ITPRID1: variants seen among roughly 807,000 people sequenced by gnomAD.
ITPRID1 encodes the protein ITPR interacting domain containing 1.
ITPRID1 carries 96 observed loss-of-function variants against 95.4 expected under a neutral mutation model. The observed-to-expected ratio is 1.01, with a 90% CI of 0.85 to 1.19. The LOEUF (loss-of-function observed/expected upper bound fraction) is 1.19. Among genes scored for constraint, ITPRID1 ranks in the 50% most tolerant of loss-of-function variants. The pLI is 0.00. For synonymous variants in ITPRID1, 510 were observed against 453.6 expected (o/e 1.12, Z -1.58); for missense variants, 1,339 against 1,252.9 (o/e 1.07, Z -1.04).
chr7:31,578,316 G>A lies in ITPRID1; in HGVS notation c.1052G>A (p.Cys351Tyr). The A allele has an allele frequency of 6.2e-7, 1 of 1,613,910 alleles. No individual in the cohort carries two copies. Among genetic ancestry groups the A allele is most frequent in the Non-Finnish European group, 8.5e-7 (1 of 1,179,846 alleles). ...CCGGCCAAGCAGGCTCCTCCTTCCT[G>A]TGTGTCTGAGGGGTCAGTCAAGGGC... ...SMPAKQAPPSCVSEGSVKGRT... is the reference protein window; with the variant it reads ...SMPAKQAPPSYVSEGSVKGRT... Residue 351 changes from cysteine (C) to tyrosine (Y), a missense_variant, in exon 9 of 15, where the codon TGT (cysteine) becomes TAT (tyrosine). Cys to Tyr is a radical substitution (Grantham distance 194). Coordinates refer to ENST00000615280, the MANE Select transcript of ITPRID1 (RefSeq NM_001257967.3).
chr7:31,584,347 C>A (rs1300099556), intron 10 of ITPRID1, among the ~76,000 whole-genome samples: 3 of 152,186 alleles, frequency 2.0e-5, no homozygotes, highest in African/African-American at 7.2e-5. Context: ...TACATAAATT[C>A]TTATCCTGCT....
chr7:31,642,383 C>A lies in ITPRID1; in HGVS notation c.1311+125C>A. 5 of 719,614 alleles carry A rather than the reference C, an allele frequency of 6.9e-6. No individual in the cohort carries two copies. In the South Asian group the frequency reaches 9.6e-5, roughly 14 times the overall value. The allele number at this position is 719,614 out of a possible 1,614,324, so 44.6% of individuals were successfully genotyped here. ...GAAAGAGGGGTGTTTTAAATCAAGC[C>A]ACAATTGGAAAGGTTGAGAAGGCAC... On this transcript the variant is annotated intron_variant, in intron 11 of 14. Transcript: ENST00000615280.
chr7:31,628,397 C>T (rs1210993124), intron 10 of ITPRID1, among the ~76,000 whole-genome samples: 1 of 152,020 alleles, frequency 6.6e-6, no homozygotes, highest in Non-Finnish European at 1.5e-5. Context: ...GCCAGGAATC[C>T]CACATCTGTC....
chr7:31,531,788 A>G (rs966368960), intron 1 of ITPRID1, among the ~76,000 whole-genome samples: 5 of 152,138 alleles, frequency 3.3e-5, no homozygotes, highest in African/African-American at 9.7e-5. Context: ...AGTTTAAAGA[A>G]AACACACACA....
chr7:31,590,303 T>C (rs1785810175), intron 10 of ITPRID1, among the ~76,000 whole-genome samples: 1 of 152,080 alleles, frequency 6.6e-6, no homozygotes, highest in Non-Finnish European at 1.5e-5. Context: ...GGTACATGCA[T>C]AAAAATGACT....
intron 1 of ITPRID1, among the ~76,000 whole-genome samples, chr7:31,531,567 A>G (rs10246900): frequency 0.58 from 88,586 of 151,884 alleles, 26,896 homozygotes; most frequent in Middle Eastern, 0.71. Flanking sequence ...GGTGAGACAC[A>G]ATGAAGCTGC....
At chr7:31,631,290 G>A (rs530865885) in intron 10 of ITPRID1, among the ~76,000 whole-genome samples, 30 of 152,188 alleles carry the variant, frequency 2.0e-4, no homozygotes, top group Non-Finnish European at 3.8e-4. Context: ...ATATGCGTGC[G>A]TGCACACACA....
intron 1 of ITPRID1, among the ~76,000 whole-genome samples, chr7:31,517,172 G>GC (rs990125746): frequency 4.6e-5 from 7 of 152,210 alleles, no homozygotes; most frequent in Non-Finnish European, 7.4e-5. Context: ...CCCTTATGTG[G>GC]CCCCACCCAC....
chr7:31,586,416 C>T (rs1016046556), intron 10 of ITPRID1, among the ~76,000 whole-genome samples: 1 of 151,866 alleles, frequency 6.6e-6, no homozygotes, highest in African/African-American at 2.4e-5. Flanking sequence ...AGTCGCCACA[C>T]TGACTTCCAC....
At chr7:31,632,201 C>A (rs1263890643) in intron 10 of ITPRID1, among the ~76,000 whole-genome samples, 2 of 152,310 alleles carry the variant, frequency 1.3e-5, no homozygotes, top group Admixed American at 1.3e-4. Context: ...GTAATCCCAG[C>A]ACTTTGGGTG....
intron 5 of ITPRID1, among the ~76,000 whole-genome samples, chr7:31,559,826 GAGACTGA>G (rs777985406): frequency 6.6e-6 from 1 of 152,144 alleles, no homozygotes; most frequent in Admixed American, 6.5e-5. Context: ...ACTTAGGCTG[GAGACTGA>G]AGACTGAAGA....
intron 1 of ITPRID1, among the ~76,000 whole-genome samples, chr7:31,548,947 T>G (rs751024652): frequency 2.0e-5 from 3 of 152,084 alleles, no homozygotes; most frequent in African/African-American, 7.2e-5. Context: ...AGTCACCATA[T>G]GAAGTAGGGA....
At chr7:31,560,881 T>C (rs1173412087) in intron 5 of ITPRID1, among the ~76,000 whole-genome samples, 9 of 151,938 alleles carry the variant, frequency 5.9e-5, no homozygotes, top group Non-Finnish European at 1.2e-4. Flanking sequence ...GAGTAGCTGA[T>C]GGGTAGATGT....
Position 31,653,688 on chromosome 7 carries a change from CTAACT to C in ITPRID1, c.*861_*865del, listed in dbSNP as rs1489592690. On this transcript the variant is annotated 3_prime_UTR_variant, in exon 15 of 15. Coordinates refer to ENST00000615280, the MANE Select transcript of ITPRID1 (RefSeq NM_001257967.3). ...GGAGGCAGATTGCCTGATGCAGCTC[CTAACT>C]TGACTTTTCCCTTTTACTTCATAAT... is the stretch of plus-strand genomic sequence containing the variant. The C allele has an allele frequency of 6.6e-6, 1 of 152,150 alleles. No homozygotes were observed. The highest frequency in any genetic ancestry group is 1.5e-5 in the Non-Finnish European group (1 of 68,032). The allele number at this position is 152,150 out of a possible 1,614,324, so 9.4% of individuals were successfully genotyped here.
intron 1 of ITPRID1, among the ~76,000 whole-genome samples, chr7:31,519,620 C>CTCTCTCTCTCTCTCTATA: frequency 5.5e-4 from 14 of 25,256 alleles, no homozygotes; most frequent in East Asian, 3.0e-3. Context: ...CTCTCTCTCT[C>CTCTCTCTCTCTCTCTATA]TATATATATA....
At chr7:31,619,119 CACA>C (rs1344843162) in intron 10 of ITPRID1, among the ~76,000 whole-genome samples, 1 of 152,160 alleles carries the variant, frequency 6.6e-6, no homozygotes, top group Non-Finnish European at 1.5e-5. Context: ...GTATATTAGT[CACA>C]ACATTTCATT....
chr7:31,658,191 C>T (rs937197921), downstream of ITPRID1: 29 of 1,256,880 alleles, frequency 2.3e-5, no homozygotes, highest in Middle Eastern at 1.9e-4. Flanking sequence ...TAAGGATATT[C>T]GTTTTTTAGC....
intron 1 of ITPRID1, among the ~76,000 whole-genome samples, chr7:31,519,461 C>T (rs561622434): frequency 3.3e-5 from 5 of 151,386 alleles, no homozygotes; most frequent in South Asian, 4.2e-4. Flanking sequence ...AAAAACTGTT[C>T]GAAATCATAT....
intron 10 of ITPRID1, among the ~76,000 whole-genome samples, chr7:31,632,449 A>T (rs1398473305): frequency 6.6e-6 from 1 of 152,148 alleles, no homozygotes. Context: ...TCCTTCTCAA[A>T]AAATAAATAA....
Sources: allele counts gnomAD v4.1 joint callset (sites outside exome capture counted in the v4.1 genomes callset), GRCh38; gene constraint gnomAD v4.1.1; transcripts MANE v1.5; gene names NCBI Gene and HGNC (gene_info 2026-07-23, HGNC 2026-07-21).